The following DOCK8 variants were observed in gnomAD, a reference collection of about 807,000 sequenced individuals.
The protein encoded by DOCK8 is dedicator of cytokinesis protein 8.
A neutral mutation model predicts 245.6 loss-of-function variants in DOCK8; 141 were observed. That is an observed-to-expected ratio of 0.57 (90% confidence interval 0.50 to 0.66). DOCK8 has a LOEUF of 0.66. Among genes scored for constraint, DOCK8 ranks in the 30% least tolerant of loss-of-function variants. The pLI is 0.00. For missense variants in DOCK8, 2,965 were observed against 2,603.4 expected, an observed-to-expected ratio of 1.14 and a Z score of -3.02; for synonymous variants, 1,168 against 970.2, an observed-to-expected ratio of 1.20 and a Z score of -3.79.
intron 23 of DOCK8, 128 bp downstream of exon 23, chr9:386,554 A>AC: frequency 6.7e-6 from 5 of 751,800 alleles, no homozygotes; most frequent in Non-Finnish European, 1.1e-5. Context: ...ACACACACAC[A>AC]CCCCACACAC....
intron 1 of DOCK8, among the ~76,000 whole-genome samples, chr9:223,131 C>T (rs1335033566): frequency 2.6e-5 from 4 of 152,078 alleles, no homozygotes; most frequent in Non-Finnish European, 5.9e-5. Context: ...CAAAAAACTT[C>T]GACTTCTGTC....
At chr9:211,379 G>C (rs1390185371), upstream of DOCK8, among the ~76,000 whole-genome samples, 1 of 152,076 alleles carries the variant, frequency 6.6e-6, no homozygotes, top group East Asian at 1.9e-4. Context: ...GTCACGCTTG[G>C]TCATAGAGGC....
chr9:248,559 CTCTTTCTTTCTTTCTCTCTCTCTG>C (rs200375997), intron 1 of DOCK8, among the ~76,000 whole-genome samples: 21,274 of 97,078 alleles, frequency 0.22, 1,842 homozygotes, highest in East Asian at 0.54. Flanking sequence ...CTCTCTCTCT[CTCTTTCTTTCTTTCTCTCTCTCTG>C]TCTTTCTTTC....
rs112846220 is a variant in DOCK8, at chr9:317,010, C to G, written c.742-33C>G. ...TAATTGGAGCTCCCCACAGAATTCA[C>G]TAATGATTTCCTTACGATGTGATTA... is the stretch of plus-strand genomic sequence containing the variant. On this transcript the variant is annotated intron_variant, in intron 6 of 47. Coordinates refer to ENST00000432829, the MANE Select transcript of DOCK8 (RefSeq NM_203447.4). The G allele has an allele frequency of 6.0e-4, 928 of 1,545,718 alleles. 5 individuals are homozygous for G. In the African/African-American group the frequency reaches 0.012, roughly 19 times the overall value.
intron 5 of DOCK8, among the ~76,000 whole-genome samples, chr9:305,845 T>G (rs2049802429): frequency 6.8e-6 from 1 of 147,928 alleles, no homozygotes; most frequent in Non-Finnish European, 1.5e-5. Context: ...CACAGCAGCA[T>G]TATTCACAGC....
At chr9:247,389 A>G (rs1458783738) in intron 1 of DOCK8, among the ~76,000 whole-genome samples, 1 of 152,178 alleles carries the variant, frequency 6.6e-6, no homozygotes, top group Admixed American at 6.5e-5. Flanking sequence ...TAATCTTTTA[A>G]CTGAGAGGGT....
chr9:285,998 A>C (rs1264891368), intron 2 of DOCK8, among the ~76,000 whole-genome samples: 2 of 152,212 alleles, frequency 1.3e-5, no homozygotes, highest in Non-Finnish European at 2.9e-5. Flanking sequence ...AGCATAACTT[A>C]GGCCAAAAGA....
At chr9:224,508 T>C (rs929270220) in intron 1 of DOCK8, among the ~76,000 whole-genome samples, 5 of 152,182 alleles carry the variant, frequency 3.3e-5, no homozygotes, top group African/African-American at 4.8e-5. Context: ...CTTGACTCTC[T>C]CGTTTGCTCA....
intron 1 of DOCK8, among the ~76,000 whole-genome samples, chr9:262,676 G>T (rs1325774001): frequency 2.6e-5 from 4 of 151,804 alleles, no homozygotes; most frequent in Admixed American, 2.6e-4. Context: ...GGAGACGGAG[G>T]GTAAAAATTA....
chr9:214,741 C>T (rs200440314), upstream of DOCK8: 156 of 1,520,844 alleles, frequency 1.0e-4, no homozygotes, highest in African/African-American at 2.1e-3. Flanking sequence ...ACGCCCTCCT[C>T]GCCCGCCGCT....
Position 449,867 on chromosome 9 carries a change from G to C in DOCK8, c.5901G>C (p.Pro1967=). 1.2e-6 allele frequency: 2 copies of C among 1,613,754 alleles called. No individual in the cohort carries two copies. The highest frequency in any genetic ancestry group is 1.7e-6 in the Non-Finnish European group (2 of 1,180,028). The change falls in exon 45 of 48, where the codon CCG becomes CCC. Residue 1967 remains proline, a synonymous_variant. Transcript: ENST00000432829. ...TAGCAGTTGCCATTAACCAGGAGCC[G>C]CCTGATGCAAAGATGCTTCAGATGG... ...LQLAVAINQE[P]PDAKMLQMVL... is the part of the protein sequence containing the mutation.
intron 40 of DOCK8, among the ~76,000 whole-genome samples, chr9:440,019 A>C (rs1334750510): frequency 6.6e-6 from 1 of 152,064 alleles, no homozygotes; most frequent in South Asian, 2.1e-4. Context: ...ACTCTTGTCT[A>C]TTTTCTTTTC....
chr9:329,561 C>A (rs1228354738), intron 9 of DOCK8, among the ~76,000 whole-genome samples: 1 of 152,186 alleles, frequency 6.6e-6, no homozygotes, highest in Non-Finnish European at 1.5e-5. Flanking sequence ...AAAGACACTT[C>A]TATTGTTGTC....
intron 45 of DOCK8, among the ~76,000 whole-genome samples, chr9:451,415 G>A (rs1435447956): frequency 6.6e-6 from 1 of 152,014 alleles, no homozygotes; most frequent in Admixed American, 6.6e-5. Context: ...TTGAGGCCAG[G>A]AGTTCAAGAC....
chr9:253,013 G>A (rs1020259470), intron 1 of DOCK8, among the ~76,000 whole-genome samples: 2 of 151,934 alleles, frequency 1.3e-5, no homozygotes, highest in African/African-American at 2.4e-5. Flanking sequence ...ATGTTTTTTC[G>A]GAAACTAGCC....
intron 24 of DOCK8, among the ~76,000 whole-genome samples, chr9:392,248 T>C (rs1476018874): frequency 1.3e-5 from 2 of 150,758 alleles, no homozygotes; most frequent in Non-Finnish European, 2.9e-5. Context: ...TGCTGAACAA[T>C]AGGACACAGA....
chr9:255,694 C>T (rs1171227305), intron 1 of DOCK8, among the ~76,000 whole-genome samples: 3 of 118,402 alleles, frequency 2.5e-5, no homozygotes, highest in African/African-American at 9.7e-5. Context: ...AAAAAAAAAA[C>T]AGCTCAAATA....
chr9:414,148 TAAAC>T (rs912442327), intron 28 of DOCK8, among the ~76,000 whole-genome samples: 33 of 148,198 alleles, frequency 2.2e-4, no homozygotes, highest in East Asian at 1.7e-3. Flanking sequence ...AAAAAAAAGT[TAAAC>T]AGACAGTTAC....
Position 277,142 on chromosome 9 carries a change from C to T in DOCK8, c.156+5413C>T, listed in dbSNP as rs182221319. The T allele has an allele frequency of 2.5e-3, 436 of 172,028 alleles. 3 individuals are homozygous for T. The highest frequency in any genetic ancestry group is 6.5e-3 in the Admixed American group (107 of 16,574). 10.7% of individuals were successfully genotyped at this position (172,028 alleles called of 1,614,324 possible). A position where few individuals can be genotyped will look rare whatever the true frequency, so the allele number is the denominator to read the frequency against. On this transcript the variant is annotated intron_variant, in intron 2 of 47. Coordinates refer to ENST00000432829, the MANE Select transcript of DOCK8 (RefSeq NM_203447.4). ...GATTGTTCAAAGTAGAAGCCAGGCA[C>T]AATGGCTCATGGCTGTATGTAATCC... is the stretch of plus-strand genomic sequence containing the variant.
Sources: allele counts gnomAD v4.1 joint callset (sites outside exome capture counted in the v4.1 genomes callset), GRCh38; gene constraint gnomAD v4.1.1; transcripts MANE v1.5; gene names NCBI Gene and HGNC (gene_info 2026-07-23, HGNC 2026-07-21).